RANBP2: variants seen among roughly 807,000 people sequenced by gnomAD.
RANBP2 encodes E3 SUMO-protein ligase RanBP2.
A neutral mutation model predicts 303.6 loss-of-function variants in RANBP2; 57 were observed. That is an observed-to-expected ratio of 0.19 (90% confidence interval 0.15 to 0.23). The LOEUF is 0.23. Ranked by LOEUF, RANBP2 falls within the 10% of genes least tolerant of loss-of-function variation. The pLI, the probability that RANBP2 is intolerant of heterozygous loss-of-function variation, is 1.00. For missense variants in RANBP2, 3,138 were observed against 3,780.8 expected, an observed-to-expected ratio of 0.83 and a Z score of 4.46; for synonymous variants, 1,167 against 1,301.5, an observed-to-expected ratio of 0.90 and a Z score of 2.23.
chr2:108,858,133 C>T, the RANBP2 span, among the ~76,000 whole-genome samples: 6 of 152,186 alleles, frequency 3.9e-5, no homozygotes, highest in African/African-American at 1.2e-4. Context: ...CACTGGAGAT[C>T]AGGAGTTCAA....
At chr2:109,665,046 T>C in the RANBP2 span, among the ~76,000 whole-genome samples, 1 of 152,212 alleles carries the variant, frequency 6.6e-6, no homozygotes, top group Non-Finnish European at 1.5e-5. Context: ...AATTCTACTT[T>C]TAAATTTTAA....
the RANBP2 span, among the ~76,000 whole-genome samples, chr2:109,579,869 C>A: frequency 4.0e-5 from 6 of 151,558 alleles, no homozygotes; most frequent in African/African-American, 1.5e-4. Flanking sequence ...GCCTGTAATC[C>A]CAGCACTTTG....
chr2:108,979,918 A>C, the RANBP2 span, among the ~76,000 whole-genome samples: 1 of 152,136 alleles, frequency 6.6e-6, no homozygotes, highest in African/African-American at 2.4e-5. Context: ...GGTGGGAAGC[A>C]GGGTGCTGTG....
chr2:108,924,874 C>G, the RANBP2 span, among the ~76,000 whole-genome samples: 2 of 152,374 alleles, frequency 1.3e-5, no homozygotes, highest in South Asian at 4.1e-4. Context: ...GCCACGTGGC[C>G]TTGTGAGTTC....
At chr2:109,679,541 G>A in the RANBP2 span, among the ~76,000 whole-genome samples, 10 of 152,104 alleles carry the variant, frequency 6.6e-5, no homozygotes, top group East Asian at 1.9e-4. Context: ...TACACCCACC[G>A]GCTCCAGGAT....
At chr2:109,029,895 G>A in the RANBP2 span, among the ~76,000 whole-genome samples, 4 of 152,300 alleles carry the variant, frequency 2.6e-5, no homozygotes, top group South Asian at 4.1e-4. Flanking sequence ...TCACAGATAA[G>A]GCTGTTTATT....
the RANBP2 span, among the ~76,000 whole-genome samples, chr2:109,531,206 G>C: frequency 6.6e-6 from 1 of 152,188 alleles, no homozygotes; most frequent in East Asian, 1.9e-4. Context: ...CTGAATATCA[G>C]AGCATCTCTC....
the RANBP2 span, among the ~76,000 whole-genome samples, chr2:109,246,902 C>G: frequency 5.9e-5 from 9 of 152,322 alleles, no homozygotes; most frequent in African/African-American, 2.2e-4. Flanking sequence ...TAGGACCCCT[C>G]TGACTCAGGG....
chr2:109,217,192 G>T, the RANBP2 span, among the ~76,000 whole-genome samples: 1 of 152,028 alleles, frequency 6.6e-6, no homozygotes, highest in East Asian at 1.9e-4. Context: ...GGACACTTGG[G>T]GTTGTTTTCT....
At chr2:108,979,887 C>T in the RANBP2 span, among the ~76,000 whole-genome samples, 18 of 152,160 alleles carry the variant, frequency 1.2e-4, no homozygotes, top group Admixed American at 4.6e-4. Context: ...GTAGGGGGGA[C>T]ACCTGGCATC....
At chr2:109,083,094 A>G in the RANBP2 span, among the ~76,000 whole-genome samples, 27 of 152,040 alleles carry the variant, frequency 1.8e-4, no homozygotes, top group Non-Finnish European at 2.4e-4. Flanking sequence ...CCAAAGTGCT[A>G]GAATTACAGG....
chr2:109,346,149 C>T, the RANBP2 span, among the ~76,000 whole-genome samples: 1 of 152,164 alleles, frequency 6.6e-6, no homozygotes, highest in Non-Finnish European at 1.5e-5. Context: ...CACTACAAAG[C>T]TATCCAGAAT....
chr2:109,646,786 G>A, the RANBP2 span, among the ~76,000 whole-genome samples: 1 of 151,260 alleles, frequency 6.6e-6, no homozygotes, highest in Non-Finnish European at 1.5e-5. Context: ...GATTACAAGT[G>A]TGAGCCACTG....
the RANBP2 span, among the ~76,000 whole-genome samples, chr2:109,193,142 C>T: frequency 6.6e-6 from 1 of 152,148 alleles, no homozygotes; most frequent in Non-Finnish European, 1.5e-5. Context: ...TTTTGAATCC[C>T]AGAGGAAAGG....
At chr2:109,385,902 CTT>C in the RANBP2 span, among the ~76,000 whole-genome samples, 1 of 42,160 alleles carries the variant, frequency 2.4e-5, no homozygotes, top group Admixed American at 2.1e-4. Context: ...AAACTCTGCT[CTT>C]CTTCATATTT....
At chr2:109,683,759 TTGTGACTCCTCAGGGCAC>T in the RANBP2 span, among the ~76,000 whole-genome samples, 1 of 152,182 alleles carries the variant, frequency 6.6e-6, no homozygotes, top group Non-Finnish European at 1.5e-5. Flanking sequence ...ACCCGACCTT[TTGTGACTCCTCAGGGCAC>T]TGTTGCTTGG....
the RANBP2 span, among the ~76,000 whole-genome samples, chr2:109,512,357 C>T: frequency 1.4e-4 from 21 of 152,232 alleles, no homozygotes; most frequent in East Asian, 1.2e-3. Context: ...CCCAGCAAAC[C>T]ACCTGATGTG....
At chr2:109,616,119 T>C in the RANBP2 span, 37 of 1,437,220 alleles carry the variant, frequency 2.6e-5, no homozygotes, top group Non-Finnish European at 3.3e-5. Context: ...ATAAATTGAA[T>C]ACTAGGTGTT....
the RANBP2 span, among the ~76,000 whole-genome samples, chr2:109,457,906 G>A: frequency 1.3e-5 from 2 of 152,182 alleles, no homozygotes; most frequent in East Asian, 1.9e-4. Flanking sequence ...GCATGGCGGG[G>A]CATCTCTGAA....
Sources: allele counts gnomAD v4.1 joint callset (sites outside exome capture counted in the v4.1 genomes callset), GRCh38; gene constraint gnomAD v4.1.1; transcripts MANE v1.5; gene names NCBI Gene and HGNC (gene_info 2026-07-23, HGNC 2026-07-21).